The following GFM2 variants were observed in gnomAD, a reference collection of about 807,000 sequenced individuals.
GFM2 encodes ribosome-releasing factor 2, mitochondrial.
In GFM2, 72 loss-of-function variants were observed where a neutral mutation model predicts 95.4. The ratio of observed to expected loss-of-function variants is 0.76; its 90% CI spans 0.62 to 0.92. The LOEUF is 0.92. Ranked by LOEUF, GFM2 falls within the 40% of genes least tolerant of loss-of-function variation. GFM2 has a pLI of 0.00. For missense variants in GFM2, 825 were observed against 924.1 expected, an observed-to-expected ratio of 0.89 and a Z score of 1.39; for synonymous variants, 276 against 317.5, an observed-to-expected ratio of 0.87 and a Z score of 1.39.
intron 10 of GFM2, among the ~76,000 whole-genome samples, chr5:74,742,170 T>C (rs568322385): frequency 2.0e-5 from 3 of 151,840 alleles, no homozygotes; most frequent in South Asian, 4.2e-4. Flanking sequence ...CATCCGACTA[T>C]ACGAAATGGG....
Position 74,767,089 on chromosome 5 carries a change from T to C in GFM2, c.-176A>G, listed in dbSNP as rs530715455. ...CTAAACGAAAAGAAAATAGGCTTTC[T>C]CCGCTCTACCGCCTCGGGCAGCCAC... On this transcript the variant is annotated 5_prime_UTR_variant, in exon 1 of 21. Coordinates refer to ENST00000296805, the MANE Select transcript of GFM2 (RefSeq NM_032380.5). The C allele has an allele frequency of 3.3e-4, 151 of 454,300 alleles. No individual in the cohort carries two copies. The highest frequency in any genetic ancestry group is 2.1e-4 in the Non-Finnish European group (52 of 250,200). 28.1% of individuals were successfully genotyped at this position (454,300 alleles called of 1,614,324 possible). A position where few individuals can be genotyped will look rare whatever the true frequency, so the allele number is the denominator to read the frequency against.
chr5:74,765,088 G>C, intron 1 of GFM2: 1 of 1,257,334 alleles, frequency 8.0e-7, no homozygotes, highest in Middle Eastern at 2.2e-4. Context: ...GCCTGGCCTT[G>C]AATCCATTCC....
chr5:74,736,948 C>T lies in GFM2; in HGVS notation c.1358G>A (p.Ser453Asn). Residue 453 changes from serine to asparagine, a missense_variant, in exon 15 of 21, where the codon AGT (serine) becomes AAT (asparagine). Physicochemically the swap from Ser to Asn is conservative, Grantham distance 46 (BLOSUM62 1). Transcript: ENST00000296805. The part of the protein sequence containing the change: ...TGDTIVSSKS[S>N]ALAAARRAER... ...GGCTCTACGAGCTGCAGCTAATGCA[C>T]TGGACTTGGATGAGACAATGGTGTC... 5.6e-6 allele frequency: 9 copies of T among 1,613,728 alleles called. No individual in the cohort carries two copies. The highest frequency in any genetic ancestry group is 7.6e-6 in the Non-Finnish European group (9 of 1,179,762).
At chr5:74,722,653 C>CT (rs2112198596) in intron 19 of GFM2, 92 bp from the exon 20 acceptor site, 1 of 956,294 alleles carries the variant, frequency 1.0e-6, no homozygotes, top group East Asian at 2.7e-5. Context: ...CATAAGCTTG[C>CT]TTTAACTCTC....
Position 74,748,938 on chromosome 5 carries a change from AAAAAT to A in GFM2, c.520-1163_520-1159del, listed in dbSNP as rs201633956. On this transcript the variant is annotated intron_variant, in intron 7 of 20. Transcript: ENST00000296805. Reference sequence around the variant, plus strand: ...AAAATAAAAAAAAATAAAAAAAATAAAAAATAAAATAAAATAAAATAAAATAAAGA... The same window carrying A: ...AAAATAAAAAAAAATAAAAAAAATAAAAAATAAAATAAAATAAAATAAAGA... Among the ~76,000 whole-genome samples the A allele has an allele frequency of 3.4e-3, 499 of 147,534 alleles. 7 individuals carry two copies. The highest frequency in any genetic ancestry group is 0.011 in the African/African-American group (458 of 40,242).
intron 10 of GFM2, among the ~76,000 whole-genome samples, chr5:74,742,903 G>A (rs752029379): frequency 2.0e-5 from 3 of 152,070 alleles, no homozygotes; most frequent in Admixed American, 6.6e-5. Context: ...TCCTGACCTC[G>A]TGATCTGCCC....
At position 74,721,774 on chromosome 5, in the gene GFM2, T is replaced by G. The variant is rs773006254; in HGVS notation, c.2221A>C (p.Thr741Pro). The G allele has an allele frequency of 1.2e-6, 2 of 1,611,422 alleles. No individual in the cohort carries two copies. Among genetic ancestry groups the G allele is most frequent in the Non-Finnish European group, 8.5e-7 (1 of 1,179,176 alleles). The stretch of plus-strand genomic sequence containing the variant: ...CCTGATGTTAGCGTTCGAAGCACAG[T>G]TGAATAACCCTAATCAAAATAATTT... ...VPLAEIMGYS[T>P]VLRTLTSGSA... Residue 741 changes from threonine (T) to proline (P), a missense_variant, in exon 21 of 21, where the codon ACT becomes CCT. Transcript: ENST00000296805.
At chr5:74,730,454 A>G in intron 16 of GFM2, 56 bp from the exon 17 acceptor site, 2 of 1,224,364 alleles carry the variant, frequency 1.6e-6, no homozygotes, top group South Asian at 3.3e-5. Context: ...TTATTGCAGA[A>G]TACTATATAA....
intron 16 of GFM2, among the ~76,000 whole-genome samples, chr5:74,732,004 G>C (rs935207231): frequency 2.0e-5 from 3 of 151,024 alleles, no homozygotes; most frequent in African/African-American, 4.9e-5. Flanking sequence ...ACCCAGACTA[G>C]AGTGCAGTGG....
intron 10 of GFM2, among the ~76,000 whole-genome samples, chr5:74,742,272 C>A (rs72764648): frequency 0.16 from 24,129 of 148,844 alleles, 2,319 homozygotes; most frequent in African/African-American, 0.28. Flanking sequence ...AAAAAAAAAA[C>A]CACACTGTTA....
chr5:74,735,773 A>T lies in GFM2; in HGVS notation c.1510+1023T>A, dbSNP rs553322522. On this transcript the variant is annotated intron_variant, in intron 15 of 20. Transcript: ENST00000296805. ...GGCTAGGTACTATAGTTTTATTCTA[A>T]TTTGGGTTAAAGAAGAGGGTCAAAA... Among the ~76,000 whole-genome samples, 22 of 152,242 alleles carry T rather than the reference A, an allele frequency of 1.4e-4. No individual in the cohort carries two copies. In the South Asian group the frequency reaches 4.3e-3, roughly 30 times the overall value.
intron 10 of GFM2, chr5:74,741,871 A>G (rs1743128069): frequency 1.2e-5 from 3 of 258,358 alleles, no homozygotes; most frequent in Non-Finnish European, 2.2e-5. Context: ...ATTAAATGCT[A>G]TCAGTGTGCT....
intron 10 of GFM2, among the ~76,000 whole-genome samples, chr5:74,743,253 C>A (rs1381365204): frequency 6.6e-6 from 1 of 152,154 alleles, no homozygotes; most frequent in African/African-American, 2.4e-5. Context: ...CTTTTCAATT[C>A]TTTTGAGTAT....
Position 74,722,495 on chromosome 5 carries a change from C to G in GFM2, c.2095G>C (p.Asp699His), listed in dbSNP as rs780042669. 3.1e-6 allele frequency: 5 copies of G among 1,613,858 alleles called. No homozygotes were observed. In the South Asian group the frequency reaches 5.5e-5, roughly 18 times the overall value. ...TCTGCCAGGACAGGGCTGAGATAAT[C>G]TCTAGCTACTGTAACCTCAAGATTC... ...LMNLEVTVAR[D>H]YLSPVLADLA... Residue 699 changes from aspartate to histidine, a missense_variant, in exon 20 of 21, where the codon GAT (aspartate) becomes CAT (histidine). Coordinates refer to ENST00000296805, the MANE Select transcript of GFM2 (RefSeq NM_032380.5).
chr5:74,725,631 G>C lies in GFM2; in HGVS notation c.2028+9C>G, dbSNP rs1423940777. 5.1e-6 allele frequency: 8 copies of C among 1,572,892 alleles called. No individual in the cohort carries two copies. The highest frequency in any genetic ancestry group is 7.0e-6 in the Non-Finnish European group (8 of 1,142,796). ...CCTTAAAGCCATAAGGATTAGGATA[G>C]TTCTATACCTTTTGCACGCATCTTG... On this transcript the variant is annotated intron_variant, in intron 19 of 20. Transcript: ENST00000296805.
Position 74,757,433 on chromosome 5 carries a change from GT to G in GFM2, c.304+1415del, listed in dbSNP as rs1744045497. Among the ~76,000 whole-genome samples the G allele has an allele frequency of 2.6e-5, 4 of 151,946 alleles. No homozygotes were observed. In the South Asian group the frequency reaches 6.2e-4, roughly 24 times the overall value. ...TACTGTAAAGCTTGATTTCCTTCTT[GT>G]TATAATAAACTGCATTAGTTTGAAA... is the stretch of plus-strand genomic sequence containing the variant. On this transcript the variant is annotated intron_variant, in intron 5 of 20. Transcript: ENST00000296805.
Position 74,726,021 on chromosome 5 carries a change from TACTCAA to T in GFM2, c.1826_1831del (p.Phe609_Glu610del), listed in dbSNP as rs5868753. On this transcript the variant is annotated inframe_deletion, in exon 18 of 21. Transcript: ENST00000296805. ...AAGGCCTTCATTGATACTTTCAGCA[TACTCAA>T]ACTCAATCACAGGCATAACAGATGA... is the stretch of plus-strand genomic sequence containing the variant. 0.25 allele frequency: 400,115 copies of T among 1,606,936 alleles called. 59,206 individuals carry two copies. The highest frequency in any genetic ancestry group is 0.69 in the African/African-American group (51,000 of 74,208).
chr5:74,723,674 C>T (rs1579964137), intron 19 of GFM2, among the ~76,000 whole-genome samples: 1 of 152,260 alleles, frequency 6.6e-6, no homozygotes, highest in Non-Finnish European at 1.5e-5. Context: ...GTTTTCTCTA[C>T]AGTCTGAAAC....
chr5:74,747,835 A>G, intron 7 of GFM2, 55 bp from the exon 8 acceptor site: 4 of 981,658 alleles, frequency 4.1e-6, no homozygotes, highest in Non-Finnish European at 6.3e-6. Flanking sequence ...CTATGTTACT[A>G]GACCTGGAAT....
Sources: allele counts gnomAD v4.1 joint callset (sites outside exome capture counted in the v4.1 genomes callset), GRCh38; gene constraint gnomAD v4.1.1; transcripts MANE v1.5; gene names NCBI Gene and HGNC (gene_info 2026-07-23, HGNC 2026-07-21).